The following HIVEP1 variants were observed in gnomAD, a reference collection of about 807,000 sequenced individuals.
The protein encoded by HIVEP1 is HIVEP zinc finger 1, also known as zinc finger protein 40.
In HIVEP1, 36 loss-of-function variants were observed where a neutral mutation model predicts 180.0. The observed-to-expected ratio is 0.20, with a 90% confidence interval of 0.15 to 0.26. The LOEUF (loss-of-function observed/expected upper bound fraction) is 0.26. HIVEP1 is among the 10% of genes least tolerant of loss of function. The pLI is 1.00. For missense variants in HIVEP1, 3,143 were observed against 3,268.7 expected (o/e 0.96, Z 0.94); for synonymous variants, 1,239 against 1,239.0 (o/e 1.00, Z 0.00).
chr6:12,024,445 A>G (rs1465127872), intron 2 of HIVEP1, among the ~76,000 whole-genome samples: 1 of 152,210 alleles, frequency 6.6e-6, no homozygotes, highest in African/African-American at 2.4e-5. Flanking sequence ...AATTGGAACC[A>G]TACGATTTAA....
At chr6:12,157,715 CTTTG>C (rs1027577410) in intron 7 of HIVEP1, among the ~76,000 whole-genome samples, 12 of 152,108 alleles carry the variant, frequency 7.9e-5, no homozygotes, top group Admixed American at 2.0e-4. Flanking sequence ...TTTCACTGCT[CTTTG>C]TTTGTTTGTG....
chr6:12,172,833 G>T, the HIVEP1 span, among the ~76,000 whole-genome samples: 7 of 148,848 alleles, frequency 4.7e-5, no homozygotes, highest in African/African-American at 1.5e-4. Context: ...TTTCAGTAAT[G>T]ATTTATGATA....
chr6:12,022,629 A>G (rs1288879947), intron 2 of HIVEP1, among the ~76,000 whole-genome samples: 2 of 152,242 alleles, frequency 1.3e-5, no homozygotes, highest in African/African-American at 2.4e-5. Context: ...AAATGTAAGC[A>G]TTTGCCACAG....
chr6:12,169,841 T>C (rs552136383), downstream of HIVEP1, among the ~76,000 whole-genome samples: 653 of 152,182 alleles, frequency 4.3e-3, 1 homozygote, highest in Non-Finnish European at 7.3e-3. Context: ...GCACCAATAG[T>C]GTAGAAAGCA....
chr6:12,067,946 T>C (rs1262065320), intron 2 of HIVEP1, among the ~76,000 whole-genome samples: 1 of 152,128 alleles, frequency 6.6e-6, no homozygotes, highest in Non-Finnish European at 1.5e-5. Flanking sequence ...TTATCCATTG[T>C]ATTCATTTTA....
chr6:12,110,515 T>G (rs1228429701), intron 3 of HIVEP1, among the ~76,000 whole-genome samples: 1 of 152,248 alleles, frequency 6.6e-6, no homozygotes, highest in East Asian at 1.9e-4. Context: ...GATGGCCTCT[T>G]TCCTTAAATC....
At chr6:12,158,627 G>C (rs1198643278) in intron 7 of HIVEP1, among the ~76,000 whole-genome samples, 1 of 152,010 alleles carries the variant, frequency 6.6e-6, no homozygotes, top group African/African-American at 2.4e-5. Flanking sequence ...TAGGTTTCTG[G>C]GCTGTGACCT....
rs187212599 is a variant in HIVEP1 at position 12,136,552 on chromosome 6, C to T, written c.6487+660C>T. On this transcript the variant is annotated intron_variant, in intron 7 of 8. Transcript: ENST00000379388. Reference sequence around the variant, plus strand: ...CCCTCTTGTTCTGAGATTATTCACGCACTCACCTGAGCTCCCACCACAGTG... The same window carrying T: ...CCCTCTTGTTCTGAGATTATTCACGTACTCACCTGAGCTCCCACCACAGTG... Among the ~76,000 whole-genome samples the T allele has an allele frequency of 2.6e-3, 400 of 152,308 alleles. 2 individuals are homozygous for T. Among genetic ancestry groups the T allele is most frequent in the Non-Finnish European group, 2.5e-3 (170 of 68,022 alleles).
chr6:12,124,050 G>C lies in HIVEP1; in HGVS notation c.4255G>C (p.Val1419Leu). ...SPSRVGVTGH[V>L]PLLERRRGPL... ...TTCTCGAGTGGGAGTGACTGGGCAT[G>C]TGCCTCTCTTAGAAAGAAGGAGAGG... is the stretch of plus-strand genomic sequence containing the variant. The change falls in exon 4 of 9, where the codon GTG becomes CTG. Residue 1419 changes from valine to leucine, a missense_variant. Physicochemically the swap from Val to Leu is conservative, Grantham distance 32. Transcript: ENST00000379388. 6.2e-7 allele frequency: 1 copy of C among 1,614,096 alleles called. No individual in the cohort carries two copies. The highest frequency in any genetic ancestry group is 8.5e-7 in the Non-Finnish European group (1 of 1,179,998).
chr6:12,167,440 A>G (rs1377072371), downstream of HIVEP1, among the ~76,000 whole-genome samples: 1 of 151,054 alleles, frequency 6.6e-6, no homozygotes, highest in Non-Finnish European at 1.5e-5. Context: ...CAGCATGTAT[A>G]TCACCTTAAG....
At chr6:12,009,129 C>T (rs573147284), upstream of HIVEP1, among the ~76,000 whole-genome samples, 4 of 127,522 alleles carry the variant, frequency 3.1e-5, no homozygotes, top group Admixed American at 7.7e-5. Flanking sequence ...GTGGCGGCGG[C>T]GGCGGCGGCG....
intron 7 of HIVEP1, among the ~76,000 whole-genome samples, chr6:12,138,197 C>T (rs1758808582): frequency 6.6e-6 from 1 of 152,100 alleles, no homozygotes; most frequent in Non-Finnish European, 1.5e-5. Context: ...TATGTAGATA[C>T]CTAGATATTT....
At chr6:12,201,467 A>G in the HIVEP1 span, among the ~76,000 whole-genome samples, 1 of 151,612 alleles carries the variant, frequency 6.6e-6, no homozygotes, top group African/African-American at 2.4e-5. Flanking sequence ...ACAAAGGGAG[A>G]CCCATCTAAA....
chr6:12,190,485 C>T, the HIVEP1 span, among the ~76,000 whole-genome samples: 7 of 152,072 alleles, frequency 4.6e-5, no homozygotes, highest in Non-Finnish European at 8.8e-5. Context: ...TCAGTTTTGC[C>T]GCTTTGGAGC....
chr6:12,128,806 C>T (rs1410067134), intron 4 of HIVEP1, among the ~76,000 whole-genome samples: 2 of 152,120 alleles, frequency 1.3e-5, no homozygotes, highest in Non-Finnish European at 1.5e-5. Flanking sequence ...TTTTGACGTT[C>T]GTTACCTTTT....
At chr6:12,183,179 C>A in the HIVEP1 span, among the ~76,000 whole-genome samples, 1 of 152,096 alleles carries the variant, frequency 6.6e-6, no homozygotes, top group Admixed American at 6.5e-5. Flanking sequence ...AGAGAAACTT[C>A]AGGAGTCTAC....
chr6:12,085,212 G>A (rs543455411), intron 2 of HIVEP1, among the ~76,000 whole-genome samples: 2 of 152,232 alleles, frequency 1.3e-5, no homozygotes, highest in South Asian at 4.2e-4. Context: ...GTTTACTGGT[G>A]GTACAGAGAG....
intron 2 of HIVEP1, among the ~76,000 whole-genome samples, chr6:12,054,582 G>A (rs913350583): frequency 1.2e-4 from 19 of 152,068 alleles, no homozygotes; most frequent in Non-Finnish European, 2.6e-4. Context: ...TCTATTACTA[G>A]TATTTTTCGG....
the HIVEP1 span, among the ~76,000 whole-genome samples, chr6:12,189,414 C>A: frequency 6.6e-6 from 1 of 151,794 alleles, no homozygotes; most frequent in Admixed American, 6.6e-5. Flanking sequence ...GGATAAAATA[C>A]CTACATATTG....
Sources: allele counts gnomAD v4.1 joint callset (sites outside exome capture counted in the v4.1 genomes callset), GRCh38; gene constraint gnomAD v4.1.1; transcripts MANE v1.5; gene names NCBI Gene and HGNC (gene_info 2026-07-23, HGNC 2026-07-21).